Variants in FGF18 observed in about 807,000 individuals in gnomAD.
FGF18 encodes fibroblast growth factor 18.
In FGF18, 5 loss-of-function variants were observed where a neutral mutation model predicts 23.0. The ratio of observed to expected loss-of-function variants is 0.22; its 90% CI spans 0.11 to 0.46. The LOEUF is 0.46. Ranked by LOEUF, FGF18 falls within the 20% of genes least tolerant of loss-of-function variation. The pLI is 0.99. For missense variants in FGF18, 180 were observed against 291.6 expected (o/e 0.62, Z 2.79); for synonymous variants, 117 against 118.9 (o/e 0.98, Z 0.10).
intron 3 of FGF18, among the ~76,000 whole-genome samples, chr5:171,445,940 A>C (rs888058604): frequency 1.3e-5 from 2 of 152,042 alleles, no homozygotes; most frequent in African/African-American, 4.8e-5. Flanking sequence ...ATGGGAGTGG[A>C]TGCGTGATGC....
chr5:171,453,209 G>A (rs1474314350), intron 4 of FGF18, among the ~76,000 whole-genome samples: 2 of 152,192 alleles, frequency 1.3e-5, no homozygotes. Context: ...AGGTAGCCAG[G>A]AGCAGAGGCA....
intron 3 of FGF18, among the ~76,000 whole-genome samples, chr5:171,446,397 G>T (rs1042993605): frequency 6.6e-6 from 1 of 152,208 alleles, no homozygotes; most frequent in Non-Finnish European, 1.5e-5. Context: ...CCAGGCCCCA[G>T]TAGAAAGAGG....
Position 171,420,436 on chromosome 5 carries a change from A to G in FGF18, c.62A>G (p.Gln21Arg). Residue 21 changes from glutamine to arginine, a missense_variant, in exon 2 of 5, where the codon CAG becomes CGG. Physicochemically the swap from Gln to Arg is conservative, Grantham distance 43 (BLOSUM62 1). Transcript: ENST00000274625. ...LCLHFLLLCF[Q>R]VQVLVAEENV... ...TTACACTTCCTGCTGCTGTGCTTCC[A>G]GGTACAGGTACGTGGGCTCCTGACT... is the stretch of plus-strand genomic sequence containing the variant. The G allele has an allele frequency of 1.2e-6, 2 of 1,613,474 alleles. No homozygotes were observed.
chr5:171,431,756 C>G (rs188276546), intron 2 of FGF18, among the ~76,000 whole-genome samples: 62 of 152,316 alleles, frequency 4.1e-4, no homozygotes, highest in African/African-American at 1.1e-3. Flanking sequence ...CAACCCTTCT[C>G]TCCTTTCGAG....
At chr5:171,437,985 A>G (rs561555277) in intron 3 of FGF18, among the ~76,000 whole-genome samples, 5 of 151,662 alleles carry the variant, frequency 3.3e-5, no homozygotes, top group African/African-American at 1.2e-4. Context: ...TGAACTGGGA[A>G]CTCAGGGAAT....
rs747809232 is a variant in FGF18, at chr5:171,449,135, T to C, written c.251-12T>C. 1.9e-6 allele frequency: 3 copies of C among 1,598,144 alleles called. No individual in the cohort carries two copies. The highest frequency in any genetic ancestry group is 1.7e-6 in the Non-Finnish European group (2 of 1,165,434). ...AATAAAATGTGTCTTGTTCTCCTTC[T>C]GCCTTTCGAAGCCCAGCTCCTAGTG... On this transcript the variant is annotated splice_polypyrimidine_tract_variant and intron_variant, in intron 3 of 4. Coordinates refer to ENST00000274625, the MANE Select transcript of FGF18 (RefSeq NM_003862.3).
In FGF18 at chr5:171,436,237, A is replaced by G. The variant is rs1206112417; in HGVS notation, c.214A>G (p.Arg72Gly). The part of the protein sequence containing the change: ...SGKHIQVLGR[R>G]ISARGEDGDK... ...GAAACACATCCAGGTCCTGGGCCGC[A>G]GGATCAGTGCCCGCGGCGAGGATGG... The change falls in exon 3 of 5, where the codon AGG (arginine) becomes GGG (glycine). Residue 72 changes from arginine (R) to glycine (G), a missense_variant. Arg to Gly is a moderately radical substitution (Grantham distance 125). Transcript: ENST00000274625. The surrounding 1 kb of genome is among the most constrained non-coding windows in gnomAD (Gnocchi z 4.4). 1 of 1,599,560 alleles carries G rather than the reference A, an allele frequency of 6.3e-7. No homozygotes were observed. The highest frequency in any genetic ancestry group is 1.1e-5 in the South Asian group (1 of 89,004).
Position 171,456,490 on chromosome 5 carries a change from C to T in FGF18, c.358-49C>T, listed in dbSNP as rs192384239. On this transcript the variant is annotated intron_variant, in intron 4 of 4. Transcript: ENST00000274625. This position sits in a 1 kb window ranked among gnomAD's most constrained non-coding sequence, Gnocchi z 6.1. ...ACCTTCCTCGCTGTGCTTTGGCAAG[C>T]ATAACTGAGTCATTTTTTTCTTGAA... 1 of 1,582,358 alleles carries T rather than the reference C, an allele frequency of 6.3e-7. No individual in the cohort carries two copies. Among genetic ancestry groups the T allele is most frequent in the Admixed American group, 1.7e-5 (1 of 57,582 alleles).
At chr5:171,422,052 A>G (rs1772018257) in intron 2 of FGF18, among the ~76,000 whole-genome samples, 2 of 152,014 alleles carry the variant, frequency 1.3e-5, no homozygotes, top group Admixed American at 1.3e-4. Flanking sequence ...TGGGGGCAGG[A>G]GGGATGAAAT....
At chr5:171,452,691 C>T (rs1437509603) in intron 4 of FGF18, among the ~76,000 whole-genome samples, 1 of 152,130 alleles carries the variant, frequency 6.6e-6, no homozygotes, top group African/African-American at 2.4e-5. Context: ...CATCTGCCAC[C>T]ACCTATTGCG....
intron 1 of FGF18, 88 bp downstream of exon 1, chr5:171,420,319 T>C: frequency 1.2e-6 from 2 of 1,606,794 alleles, no homozygotes; most frequent in South Asian, 2.2e-5. Flanking sequence ...CGCCCGTCGG[T>C]TCACCTGACT....
At chr5:171,449,396 TGTGTGAGAGA>T (rs1449339759) in intron 4 of FGF18, 143 bp downstream of exon 4, 42 of 522,496 alleles carry the variant, frequency 8.0e-5, no homozygotes, top group Middle Eastern at 5.4e-4. Flanking sequence ...TGTGTGTGTG[TGTGTGAGAGA>T]GAGAGAGAGA....
intron 2 of FGF18, among the ~76,000 whole-genome samples, chr5:171,431,202 G>C (rs1287434987): frequency 6.6e-6 from 1 of 152,196 alleles, no homozygotes; most frequent in Admixed American, 6.5e-5. Context: ...CTGGAAGCTG[G>C]TACTAGGCTG....
chr5:171,426,516 C>CAGGAGGCCCCGTGGGCTTTGGTCCG (rs1772091186), intron 2 of FGF18, among the ~76,000 whole-genome samples: 2 of 152,226 alleles, frequency 1.3e-5, no homozygotes, highest in Non-Finnish European at 2.9e-5. Flanking sequence ...TGCAGCAGGT[C>CAGGAGGCCCCGTGGGCTTTGGTCCG]AGGAGGCCCC....
chr5:171,449,740 G>A (rs918390937), intron 4 of FGF18, among the ~76,000 whole-genome samples: 3 of 151,898 alleles, frequency 2.0e-5, no homozygotes, highest in Non-Finnish European at 4.4e-5. Flanking sequence ...CGTCAGCGCT[G>A]GGCCTCTTGG....
chr5:171,428,464 G>A lies in FGF18; in HGVS notation c.70-7629G>A, dbSNP rs558863385. Among the ~76,000 whole-genome samples the A allele has an allele frequency of 3.3e-5, 5 of 152,314 alleles. No homozygotes were observed. The South Asian group carries it at 1.0e-3, about 32-fold the overall frequency. On this transcript the variant is annotated intron_variant, in intron 2 of 4. Transcript: ENST00000274625. ...CTCTGGGGCAAGAGGGTCTGGCCTG[G>A]GTAGATGTTTCACGTAGACCTTGAA...
chr5:171,423,470 C>A (rs527900639), intron 2 of FGF18, among the ~76,000 whole-genome samples: 2 of 152,290 alleles, frequency 1.3e-5, no homozygotes, highest in South Asian at 4.1e-4. Flanking sequence ...TCCTGGCCTT[C>A]CCCAGACAGA....
chr5:171,450,769 AGCCTGGCCGGTCCCCCTG>A (rs944634458), intron 4 of FGF18, among the ~76,000 whole-genome samples: 2 of 151,952 alleles, frequency 1.3e-5, no homozygotes, highest in South Asian at 2.1e-4. Flanking sequence ...GGGTCCCCCT[AGCCTGGCCGGTCCCCCTG>A]GCCTGGCCGG....
Position 171,451,051 on chromosome 5 carries a change from GC to G in FGF18, c.357+1805del, listed in dbSNP as rs1265923504. Among the ~76,000 whole-genome samples the G allele has an allele frequency of 1.5e-5, 2 of 135,654 alleles. No individual in the cohort carries two copies. The highest frequency in any genetic ancestry group is 5.5e-5 in the African/African-American group (2 of 36,096). The allele number at this position is 135,654 out of a possible 152,430, so 89.0% of individuals were successfully genotyped here. A position where few individuals can be genotyped will look rare whatever the true frequency, so the allele number is the denominator to read the frequency against. On this transcript the variant is annotated intron_variant, in intron 4 of 4. Transcript: ENST00000274625. This position sits in a 1 kb window ranked among gnomAD's most constrained non-coding sequence, Gnocchi z 4.5. The stretch of plus-strand genomic sequence containing the variant: ...AAGAGCAGCCCCGTCCCCTCGGGCC[GC>G]CCCCCCACCCCGCCGCCGGCCGCCT...
Sources: allele counts gnomAD v4.1 joint callset (sites outside exome capture counted in the v4.1 genomes callset), GRCh38; gene constraint gnomAD v4.1.1; non-coding constraint Gnocchi (gnomAD v3.1); transcripts MANE v1.5; gene names NCBI Gene and HGNC (gene_info 2026-07-23, HGNC 2026-07-21).